SIX6: variants seen among roughly 807,000 people sequenced by gnomAD.
The protein encoded by SIX6 is homeobox protein SIX6.
In SIX6, 14 loss-of-function variants were observed where a neutral mutation model predicts 23.6. That is an observed-to-expected ratio of 0.59 (90% confidence interval 0.39 to 0.93). The LOEUF is 0.93. SIX6 is among the 40% of genes least tolerant of loss of function. The pLI is 0.00. For synonymous variants in SIX6, 128 were observed against 144.9 expected (o/e 0.88, Z 0.84); for missense variants, 307 against 325.6 (o/e 0.94, Z 0.44).
rs749323881 is a variant in SIX6, at chr14:60,509,682, A to G, written c.284A>G (p.His95Arg). The G allele has an allele frequency of 1.9e-6, 3 of 1,613,902 alleles. No homozygotes were observed. The East Asian group carries it at 6.7e-5, about 36-fold the overall frequency. The change falls in exon 1 of 2, where the codon CAC (histidine) becomes CGC (arginine). Residue 95 changes from histidine to arginine, a missense_variant. Transcript: ENST00000327720. ...CTGCAGGCGCTGTGGCTTGAAGCACACTACCAGGAGGCTGAGAAGCTGCGT... is the reference window on the plus strand; with the variant it reads ...CTGCAGGCGCTGTGGCTTGAAGCACGCTACCAGGAGGCTGAGAAGCTGCGT... ...AKLQALWLEA[H>R]YQEAEKLRGR...
chr14:60,509,810 C>T lies in SIX6; in HGVS notation c.412C>T (p.Arg138Cys). ...ACAGAAGACACACTGCTTCAAGGAG[C>T]GCACGCGGCACCTGCTACGCGAGTG... ...GEQKTHCFKE[R>C]TRHLLREWYL... The change falls in exon 1 of 2, where the codon CGC (arginine) becomes TGC (cysteine). Residue 138 changes from arginine (R) to cysteine (C), a missense_variant. Physicochemically the swap from Arg to Cys is radical, Grantham distance 180. Coordinates refer to ENST00000327720, the MANE Select transcript of SIX6 (RefSeq NM_007374.3). The T allele has an allele frequency of 6.2e-7, 1 of 1,613,816 alleles. No homozygotes were observed. Among genetic ancestry groups the T allele is most frequent in the Non-Finnish European group, 8.5e-7 (1 of 1,179,746 alleles).
Position 60,509,498 on chromosome 14 carries a change from C to T in SIX6, c.100C>T (p.Leu34Phe). The change falls in exon 1 of 2, where the codon CTC (leucine) becomes TTC (phenylalanine). Residue 34 changes from leucine (L) to phenylalanine (F), a missense_variant. Coordinates refer to ENST00000327720, the MANE Select transcript of SIX6 (RefSeq NM_007374.3). ...SGDVERLGRF[L>F]WSLPVAPAAC... ...CGATGTGGAGCGCCTGGGTCGCTTC[C>T]TCTGGTCGCTGCCCGTGGCCCCTGC... 1.9e-6 allele frequency: 3 copies of T among 1,603,742 alleles called. No individual in the cohort carries two copies. The highest frequency in any genetic ancestry group is 1.3e-5 in the African/African-American group (1 of 75,054).
At chr14:60,511,059 C>A (rs1440960607) in intron 1 of SIX6, 25 bp from the exon 2 acceptor site, 1 of 1,610,088 alleles carries the variant, frequency 6.2e-7, no homozygotes, top group Admixed American at 1.7e-5. Context: ...CGAGCTGTGA[C>A]CCGTGTTCCC....
chr14:60,512,710 T>C lies in SIX6; in HGVS notation c.*1458T>C, dbSNP rs1893312370. The C allele has an allele frequency of 6.6e-6, 1 of 152,254 alleles. No homozygotes were observed. The highest frequency in any genetic ancestry group is 6.5e-5 in the Admixed American group (1 of 15,290). 9.4% of individuals were successfully genotyped at this position (152,254 alleles called of 1,614,324 possible). A position where few individuals can be genotyped will look rare whatever the true frequency, so the allele number is the denominator to read the frequency against. On this transcript the variant is annotated 3_prime_UTR_variant, in exon 2 of 2. Coordinates refer to ENST00000327720, the MANE Select transcript of SIX6 (RefSeq NM_007374.3). ...CCTCGTGCACATGCATGTATGCACC[T>C]ATACATGAACAAATGCATGCATATA... is the stretch of plus-strand genomic sequence containing the variant.
rs1445777026 is a variant in SIX6, at chr14:60,511,106, C to G, written c.595C>G (p.Gln199Glu). 1 of 1,612,914 alleles carries G rather than the reference C, an allele frequency of 6.2e-7. No individual in the cohort carries two copies. The change falls in exon 2 of 2, where the codon CAG becomes GAG. Residue 199 changes from glutamine to glutamate, a missense_variant. Physicochemically the swap from Gln to Glu is conservative, Grantham distance 29. Transcript: ENST00000327720. ...KNRLQQQVLSQGSGRALRAEG... is the reference protein window; with the variant it reads ...KNRLQQQVLSEGSGRALRAEG... ...TAGACTCCAGCAGCAGGTCCTGTCA[C>G]AGGGTTCCGGGCGGGCACTACGGGC...
rs146507408 is a variant in SIX6, at chr14:60,509,541, A to G, written c.143A>G (p.Asn48Ser). 3.1e-6 allele frequency: 5 copies of G among 1,610,248 alleles called. No individual in the cohort carries two copies. The highest frequency in any genetic ancestry group is 4.2e-6 in the Non-Finnish European group (5 of 1,179,994). ...PVAPAACEAL[N>S]KNESVLRARA... ...GCCCCTGCGGCCTGCGAGGCCCTCA[A>G]CAAGAATGAGTCGGTGCTACGCGCA... The change falls in exon 1 of 2, where the codon AAC (asparagine) becomes AGC (serine). Residue 48 changes from asparagine to serine, a missense_variant. Asn to Ser is a conservative substitution (Grantham distance 46). Transcript: ENST00000327720.
rs765698334 is a variant in SIX6 at position 60,511,111 on chromosome 14, T to A, written c.600T>A (p.Gly200=). ...NRLQQQVLSQ[G]SGRALRAEGD... ...TCCAGCAGCAGGTCCTGTCACAGGGTTCCGGGCGGGCACTACGGGCGGAGG... is the reference window on the plus strand; with the variant it reads ...TCCAGCAGCAGGTCCTGTCACAGGGATCCGGGCGGGCACTACGGGCGGAGG... The change falls in exon 2 of 2, where the codon GGT becomes GGA. Residue 200 remains glycine (G), a synonymous_variant. Transcript: ENST00000327720. 1.9e-6 allele frequency: 3 copies of A among 1,612,840 alleles called. No homozygotes were observed. The highest frequency in any genetic ancestry group is 2.5e-6 in the Non-Finnish European group (3 of 1,179,844).
In SIX6 at chr14:60,509,717, CT is replaced by C. The variant is rs1780494737; in HGVS notation, c.320del (p.Leu107ArgfsTer9). ...QEAEKLRGRP[L>X]GPVDKYRVRK... The stretch of plus-strand genomic sequence containing the variant: ...GGCTGAGAAGCTGCGTGGAAGACCC[CT>C]GGGACCTGTGGACAAGTACCGAGTA... On this transcript the variant is annotated frameshift_variant, in exon 1 of 2. Transcript: ENST00000327720. LOFTEE classifies it high-confidence loss of function. 6.2e-7 allele frequency: 1 copy of C among 1,614,062 alleles called. No individual in the cohort carries two copies. Among genetic ancestry groups the C allele is most frequent in the Non-Finnish European group, 8.5e-7 (1 of 1,180,030 alleles).
chr14:60,509,667 T>C lies in SIX6; in HGVS notation c.269T>C (p.Leu90Pro). 1 of 1,614,010 alleles carries C rather than the reference T, an allele frequency of 6.2e-7. No homozygotes were observed. The highest frequency in any genetic ancestry group is 2.2e-5 in the East Asian group (1 of 44,866). The stretch of plus-strand genomic sequence containing the variant: ...GAGTCGCACGCCAAGCTGCAGGCGC[T>C]GTGGCTTGAAGCACACTACCAGGAG... Reference protein sequence around the residue: ...TKESHAKLQALWLEAHYQEAE... With the variant: ...TKESHAKLQAPWLEAHYQEAE... Residue 90 changes from leucine (L) to proline (P), a missense_variant, in exon 1 of 2, where the codon CTG becomes CCG. Transcript: ENST00000327720.
intron 1 of SIX6, among the ~76,000 whole-genome samples, chr14:60,510,215 C>T (rs1893270000): frequency 6.6e-6 from 1 of 152,166 alleles, no homozygotes; most frequent in African/African-American, 2.4e-5. Flanking sequence ...GTCACCAAAC[C>T]AAGGCTTCAC....
chr14:60,509,829 GC>G lies in SIX6; in HGVS notation c.432del (p.Glu145SerfsTer23). 1 of 1,613,894 alleles carries G rather than the reference GC, an allele frequency of 6.2e-7. No individual in the cohort carries two copies. The highest frequency in any genetic ancestry group is 1.1e-5 in the South Asian group (1 of 91,068). ...CFKERTRHLL[R>X]EWYLQDPYPN... is the part of the protein sequence containing the mutation. ...AAGGAGCGCACGCGGCACCTGCTAC[GC>G]GAGTGGTACCTGCAGGATCCATACC... On this transcript the variant is annotated frameshift_variant, in exon 1 of 2. Transcript: ENST00000327720. LOFTEE classifies it high-confidence loss of function.
chr14:60,511,341 AATC>A lies in SIX6; in HGVS notation c.*90_*92del, dbSNP rs1893291453. On this transcript the variant is annotated 3_prime_UTR_variant, in exon 2 of 2. Coordinates refer to ENST00000327720, the MANE Select transcript of SIX6 (RefSeq NM_007374.3). Reference sequence around the variant, plus strand: ...AGGGGAAGAAGATGAGAGACCTGCAAATCCAGCGCCACAGAAGCCAGGTGACCA... The same window carrying A: ...AGGGGAAGAAGATGAGAGACCTGCAACAGCGCCACAGAAGCCAGGTGACCA... The A allele has an allele frequency of 6.8e-7, 1 of 1,469,684 alleles. No homozygotes were observed. Among genetic ancestry groups the A allele is most frequent in the Non-Finnish European group, 9.5e-7 (1 of 1,053,014 alleles). The allele number at this position is 1,469,684 out of a possible 1,614,324, so 91.0% of individuals were successfully genotyped here.
chr14:60,511,050 G>T, intron 1 of SIX6, 34 bp from the exon 2 acceptor site: 1 of 1,606,766 alleles, frequency 6.2e-7, no homozygotes, highest in Admixed American at 1.7e-5. Flanking sequence ...GCTGTGTTAC[G>T]AGCTGTGACC....
chr14:60,511,177 G>A lies in SIX6; in HGVS notation c.666G>A (p.Pro222=), dbSNP rs1356162842. 6.2e-6 allele frequency: 10 copies of A among 1,611,810 alleles called. No individual in the cohort carries two copies. The highest frequency in any genetic ancestry group is 8.5e-6 in the Non-Finnish European group (10 of 1,179,498). ...TPEVLGVATS[P]AASLSSKAAT... is the part of the protein sequence containing the mutation. The stretch of plus-strand genomic sequence containing the variant: ...AGGTGCTGGGCGTCGCCACCAGCCC[G>A]GCCGCCAGTCTATCCAGCAAGGCGG... The change falls in exon 2 of 2, where the codon CCG becomes CCA. Residue 222 remains proline, a synonymous_variant. Coordinates refer to ENST00000327720, the MANE Select transcript of SIX6 (RefSeq NM_007374.3).
chr14:60,511,050 G>C (rs1893283791), intron 1 of SIX6, 34 bp from the exon 2 acceptor site: 6 of 1,606,766 alleles, frequency 3.7e-6, no homozygotes, highest in East Asian at 4.5e-5. Context: ...GCTGTGTTAC[G>C]AGCTGTGACC....
intron 1 of SIX6, 144 bp from the exon 2 acceptor site, chr14:60,510,940 C>A: frequency 1.2e-6 from 1 of 839,588 alleles, no homozygotes; most frequent in Non-Finnish European, 1.9e-6. Context: ...CCTCTGTCGC[C>A]TTGCCGAGTA....
In SIX6 at chr14:60,509,336, G is replaced by C; in HGVS notation, c.-63G>C. ...GCGCCTGGCACACTCAGCCAGGCCC[G>C]CGGGCATCTGCTGCGTGTCCCGCTC... On this transcript the variant is annotated 5_prime_UTR_variant, in exon 1 of 2. Transcript: ENST00000327720. The C allele has an allele frequency of 7.1e-7, 1 of 1,407,212 alleles. No individual in the cohort carries two copies. Among genetic ancestry groups the C allele is most frequent in the Non-Finnish European group, 9.9e-7 (1 of 1,005,970 alleles). 87.2% of individuals were successfully genotyped at this position (1,407,212 alleles called of 1,614,324 possible).
In SIX6 at chr14:60,511,181, G is replaced by A. The variant is rs1265888751; in HGVS notation, c.670G>A (p.Ala224Thr). 1.9e-6 allele frequency: 3 copies of A among 1,612,818 alleles called. No homozygotes were observed. The African/African-American group carries it at 4.0e-5, about 22-fold the overall frequency. Residue 224 changes from alanine (A) to threonine (T), a missense_variant, in exon 2 of 2, where the codon GCC (alanine) becomes ACC (threonine). By Grantham distance (58) the Ala-to-Thr change is moderately conservative (BLOSUM62 0). Transcript: ENST00000327720. ...GCTGGGCGTCGCCACCAGCCCGGCC[G>A]CCAGTCTATCCAGCAAGGCGGCCAC... ...EVLGVATSPA[A>T]SLSSKAATSA...
rs1441969996 is a variant in SIX6, at chr14:60,512,074, C to T, written c.*822C>T. On this transcript the variant is annotated 3_prime_UTR_variant, in exon 2 of 2. Coordinates refer to ENST00000327720, the MANE Select transcript of SIX6 (RefSeq NM_007374.3). ...ACAAACATATGTATGTATGCATACACGTGATATATTTAAGGCTAGAAATTG... is the reference window on the plus strand; with the variant it reads ...ACAAACATATGTATGTATGCATACATGTGATATATTTAAGGCTAGAAATTG... 1 of 151,024 alleles carries T rather than the reference C, an allele frequency of 6.6e-6. No individual in the cohort carries two copies. The highest frequency in any genetic ancestry group is 1.5e-5 in the Non-Finnish European group (1 of 67,914). 9.4% of individuals were successfully genotyped at this position (151,024 alleles called of 1,614,324 possible). A position where few individuals can be genotyped will look rare whatever the true frequency, so the allele number is the denominator to read the frequency against.
Sources: allele counts gnomAD v4.1 joint callset (sites outside exome capture counted in the v4.1 genomes callset), GRCh38; gene constraint gnomAD v4.1.1; transcripts MANE v1.5; gene names NCBI Gene and HGNC (gene_info 2026-07-23, HGNC 2026-07-21).